The following SCNN1B variants were observed in gnomAD, a reference collection of about 807,000 sequenced individuals.
The protein encoded by SCNN1B is sodium channel epithelial 1 subunit beta.
In SCNN1B, 46 loss-of-function variants were observed where a neutral mutation model predicts 65.3. The observed-to-expected ratio is 0.70, with a 90% CI of 0.56 to 0.90. The LOEUF (loss-of-function observed/expected upper bound fraction) is 0.90, where lower values mean the gene tolerates loss of function less well. SCNN1B is among the 40% of genes least tolerant of loss of function. The pLI is 0.00. For synonymous variants in SCNN1B, 349 were observed against 330.6 expected, an observed-to-expected ratio of 1.06 and a Z score of -0.60; for missense variants, 751 against 830.5, an observed-to-expected ratio of 0.90 and a Z score of 1.18.
chr16:23,365,287 G>T (rs1032673262), intron 4 of SCNN1B, among the ~76,000 whole-genome samples: 22 of 150,228 alleles, frequency 1.5e-4, no homozygotes, highest in African/African-American at 5.4e-4. Flanking sequence ...GCAAGACTTT[G>T]TCAAGAAAGA....
chr16:23,315,166 C>T (rs1328764264), intron 1 of SCNN1B, among the ~76,000 whole-genome samples: 1 of 151,970 alleles, frequency 6.6e-6, no homozygotes, highest in Non-Finnish European at 1.5e-5. Context: ...GAGAAATCCC[C>T]GTTTCTACTA....
intron 10 of SCNN1B, 149 bp from the exon 11 acceptor site, chr16:23,378,557 A>G: frequency 1.3e-6 from 1 of 743,240 alleles, no homozygotes; most frequent in East Asian, 2.7e-5. Flanking sequence ...TTCCACTACG[A>G]CCTTCCTCCT....
At chr16:23,379,036 C>T (rs575319742) in intron 11 of SCNN1B, among the ~76,000 whole-genome samples, 24 of 152,096 alleles carry the variant, frequency 1.6e-4, no homozygotes, top group African/African-American at 3.9e-4. Flanking sequence ...TCCACCCACG[C>T]GCCCAGCCAT....
intron 1 of SCNN1B, among the ~76,000 whole-genome samples, chr16:23,347,643 C>T (rs868700910): frequency 6.6e-6 from 1 of 152,234 alleles, no homozygotes; most frequent in Non-Finnish European, 1.5e-5. Flanking sequence ...TGCGGTGGTT[C>T]ATGCCTGTAA....
At chr16:23,366,369 C>G (rs995243621) in intron 4 of SCNN1B, among the ~76,000 whole-genome samples, 1 of 145,138 alleles carries the variant, frequency 6.9e-6, no homozygotes, top group African/African-American at 2.7e-5. Context: ...CTACTCCTGG[C>G]TTTTTATTTT....
chr16:23,350,934 G>T (rs1962296676), intron 2 of SCNN1B, among the ~76,000 whole-genome samples: 1 of 151,148 alleles, frequency 6.6e-6, no homozygotes, highest in Admixed American at 6.6e-5. Context: ...AGAAAAGAAA[G>T]AAAGCAAAAG....
intron 1 of SCNN1B, among the ~76,000 whole-genome samples, chr16:23,332,289 G>A (rs542319512): frequency 1.3e-5 from 2 of 151,586 alleles, no homozygotes; most frequent in Non-Finnish European, 1.5e-5. Context: ...TCTGCCTCCC[G>A]AGTTCAAGCG....
At chr16:23,330,491 T>C (rs896539267) in intron 1 of SCNN1B, among the ~76,000 whole-genome samples, 24 of 152,192 alleles carry the variant, frequency 1.6e-4, no homozygotes, top group African/African-American at 5.8e-4. Context: ...TTTCGGATCC[T>C]GCAGCCTGTT....
Position 23,355,288 on chromosome 16 carries a change from G to T in SCNN1B, c.586-11G>T, listed in dbSNP as rs778349225. On this transcript the variant is annotated splice_polypyrimidine_tract_variant and intron_variant, in intron 3 of 12. Transcript: ENST00000343070. Reference sequence around the variant, plus strand: ...CACGCCACCCACAAAAACCCCTCTTGGCCTCCACAGTGTAGCCTCAACAGG... The same window carrying T: ...CACGCCACCCACAAAAACCCCTCTTTGCCTCCACAGTGTAGCCTCAACAGG... 31 of 1,613,950 alleles carry T rather than the reference G, an allele frequency of 1.9e-5. No homozygotes were observed. The highest frequency in any genetic ancestry group is 2.6e-5 in the Non-Finnish European group (31 of 1,179,958).
chr16:23,287,011 T>G (rs1246495678), intron 2 of SCNN1B, among the ~76,000 whole-genome samples: 7 of 151,438 alleles, frequency 4.6e-5, no homozygotes, highest in East Asian at 3.9e-4. Context: ...TGGGTTGTTT[T>G]TTTTTTTTTT....
upstream of SCNN1B, among the ~76,000 whole-genome samples, chr16:23,300,539 T>G (rs1961060165): frequency 6.6e-6 from 1 of 152,072 alleles, no homozygotes; most frequent in Admixed American, 6.6e-5. Flanking sequence ...TTTTTTTTTT[T>G]GAAAAATATT....
At chr16:23,339,527 C>T (rs934612163) in intron 1 of SCNN1B, among the ~76,000 whole-genome samples, 7 of 151,884 alleles carry the variant, frequency 4.6e-5, no homozygotes, top group East Asian at 1.9e-4. Context: ...GGATTACAGG[C>T]GTGAACCACT....
At chr16:23,307,907 T>C (rs1961256294) in intron 1 of SCNN1B, among the ~76,000 whole-genome samples, 1 of 151,926 alleles carries the variant, frequency 6.6e-6, no homozygotes, top group South Asian at 2.1e-4. Context: ...TAGCCGGGTG[T>C]AGTGGCACAT....
intron 1 of SCNN1B, chr16:23,323,461 C>A: frequency 1.4e-6 from 1 of 692,900 alleles, no homozygotes; most frequent in South Asian, 1.5e-5. Flanking sequence ...TGATCTCTCT[C>A]CATGCCAGAC....
chr16:23,343,639 G>A (rs866918524), intron 1 of SCNN1B, among the ~76,000 whole-genome samples: 1,463 of 99,096 alleles, frequency 0.015, 8 homozygotes, highest in Middle Eastern at 0.04. Context: ...AAGAAAGAAA[G>A]AAAGAAAGAA....
chr16:23,380,996 T>A lies in SCNN1B; in HGVS notation c.*195T>A. 1.5e-6 allele frequency: 1 copy of A among 675,650 alleles called. No homozygotes were observed. Among genetic ancestry groups the A allele is most frequent in the Non-Finnish European group, 2.7e-6 (1 of 375,992 alleles). The allele number at this position is 675,650 out of a possible 1,614,324, so 41.9% of individuals were successfully genotyped here. A position where few individuals can be genotyped will look rare whatever the true frequency, so the allele number is the denominator to read the frequency against. On this transcript the variant is annotated 3_prime_UTR_variant, in exon 13 of 13. Coordinates refer to ENST00000343070, the MANE Select transcript of SCNN1B (RefSeq NM_000336.3). This position sits in a 1 kb window ranked among gnomAD's most constrained non-coding sequence, Gnocchi z 5.4. ...GGGCTCTGTAGAATCACGGTGCTGG[T>A]ACAGGATGCAGGAATAAATTGTATC...
In SCNN1B at chr16:23,377,310, G is replaced by T. The variant is rs774934990; in HGVS notation, c.1347-19G>T. On this transcript the variant is annotated intron_variant, in intron 9 of 12. Coordinates refer to ENST00000343070, the MANE Select transcript of SCNN1B (RefSeq NM_000336.3). ...GCATCACTGGCAGGGACCACAACAG[G>T]CCTGGCCTTCTCTTTCAGTGACACC... 3 of 1,614,086 alleles carry T rather than the reference G, an allele frequency of 1.9e-6. No individual in the cohort carries two copies. The Admixed American group carries it at 5.0e-5, about 27-fold the overall frequency.
At chr16:23,340,558 G>A (rs751330262) in intron 1 of SCNN1B, among the ~76,000 whole-genome samples, 13 of 151,844 alleles carry the variant, frequency 8.6e-5, no homozygotes, top group East Asian at 1.9e-4. Flanking sequence ...ATTTTTTTAC[G>A]TTTTAATCTT....
At position 23,376,072 on chromosome 16, in the gene SCNN1B, G is replaced by A. The variant is rs12446463; in HGVS notation, c.1270+217G>A. ...TGCTCCTCAATTTCATGAAGCATGG[G>A]CTTGAAACACATAGGCATAGAATGC... On this transcript the variant is annotated intron_variant, in intron 8 of 12. Transcript: ENST00000343070. 0.17 allele frequency among the ~76,000 whole-genome samples: 26,006 copies of A among 152,244 alleles called. 2,770 individuals carry two copies. Among genetic ancestry groups the A allele is most frequent in the Admixed American group, 0.29 (4,420 of 15,282 alleles).
Sources: gnomAD v4.1 joint callset for allele counts (sites outside exome capture counted in the v4.1 genomes callset) on GRCh38, gnomAD v4.1.1 for gene constraint, Gnocchi (gnomAD v3.1) non-coding constraint, MANE v1.5 for transcripts, NCBI Gene and HGNC (gene_info 2026-07-23, HGNC 2026-07-21) for gene names.